KALRN: variants seen among roughly 807,000 people sequenced by gnomAD.
KALRN encodes kalirin RhoGEF kinase, also known as kalirin.
A neutral mutation model predicts 353.7 loss-of-function variants in KALRN; 70 were observed. The ratio of observed to expected loss-of-function variants is 0.20; its 90% confidence interval spans 0.16 to 0.24. KALRN has a LOEUF of 0.24. Among genes scored for constraint, KALRN ranks in the 10% least tolerant of loss-of-function variants. The pLI is 1.00. For synonymous variants in KALRN, 1,391 were observed against 1,434.8 expected, an observed-to-expected ratio of 0.97 and a Z score of 0.69; for missense variants, 2,791 against 3,756.7, an observed-to-expected ratio of 0.74 and a Z score of 6.72.
intron 1 of KALRN, among the ~76,000 whole-genome samples, chr3:124,102,263 G>A (rs12493234): frequency 0.6 from 90,906 of 152,022 alleles, 30,080 homozygotes; most frequent in Non-Finnish European, 0.75. Context: ...ACACACACCC[G>A]TTTGAAACAC....
At chr3:124,591,375 C>A (rs1380373399) in intron 34 of KALRN, among the ~76,000 whole-genome samples, 13 of 152,176 alleles carry the variant, frequency 8.5e-5, no homozygotes, top group African/African-American at 3.1e-4. Context: ...TGGACACAAG[C>A]AATCCTCTCA....
intron 15 of KALRN, among the ~76,000 whole-genome samples, chr3:124,427,494 A>C (rs902835240): frequency 1.3e-5 from 2 of 152,232 alleles, no homozygotes; most frequent in Non-Finnish European, 2.9e-5. Flanking sequence ...AGCCATCTAC[A>C]GGCGGCTTCC....
chr3:124,065,632 T>TA lies in KALRN; in HGVS notation c.73+31839dup, dbSNP rs56298061. Among the ~76,000 whole-genome samples, 996 of 131,692 alleles carry TA rather than the reference T, an allele frequency of 7.6e-3. 14 individuals carry two copies. The highest frequency in any genetic ancestry group is 0.026 in the African/African-American group (915 of 35,426). 86.4% of individuals were successfully genotyped at this position (131,692 alleles called of 152,430 possible). A position where few individuals can be genotyped will look rare whatever the true frequency, so the allele number is the denominator to read the frequency against. On this transcript the variant is annotated intron_variant, in intron 1 of 59. Coordinates refer to ENST00000682506, the MANE Select transcript of KALRN (RefSeq NM_001388419.1). Reference sequence around the variant, plus strand: ...CCATATGACTAAAACATTCCTTAGTTAAAAAAAAAAAAAAAAAAAAGAGTA... The same window carrying TA: ...CCATATGACTAAAACATTCCTTAGTTAAAAAAAAAAAAAAAAAAAAAGAGTA...
intron 9 of KALRN, among the ~76,000 whole-genome samples, chr3:124,341,272 T>C (rs1265880836): frequency 6.6e-6 from 1 of 152,236 alleles, no homozygotes; most frequent in African/African-American, 2.4e-5. Flanking sequence ...CCTGCTGTAG[T>C]GGCAAGGAGC....
intron 10 of KALRN, among the ~76,000 whole-genome samples, chr3:124,363,879 G>A (rs1476366618): frequency 6.6e-6 from 1 of 152,228 alleles, no homozygotes; most frequent in Admixed American, 6.5e-5. Context: ...GGACTTTGGG[G>A]CAAAAGCAGT....
chr3:124,050,143 TTCATGGAGGC>T (rs1254811291), intron 1 of KALRN, among the ~76,000 whole-genome samples: 1 of 152,312 alleles, frequency 6.6e-6, no homozygotes, highest in East Asian at 1.9e-4. Flanking sequence ...TGGTCTTTGC[TTCATGGAGGC>T]AGGGCTGGTC....
At chr3:124,244,606 G>A (rs555171049) in intron 3 of KALRN, among the ~76,000 whole-genome samples, 42 of 152,100 alleles carry the variant, frequency 2.8e-4, no homozygotes, top group Non-Finnish European at 5.4e-4. Context: ...ATTCCAGTTA[G>A]CATTATACTA....
chr3:124,165,445 C>T (rs76265053), intron 1 of KALRN, among the ~76,000 whole-genome samples: 394 of 152,014 alleles, frequency 2.6e-3, no homozygotes, highest in African/African-American at 8.8e-3. Context: ...GAACAAATTA[C>T]GTTCAATTAC....
At position 124,719,030 on chromosome 3, in the gene KALRN, C is replaced by G; in HGVS notation, c.8521C>G (p.Leu2841Val). The G allele has an allele frequency of 6.2e-7, 1 of 1,614,196 alleles. No homozygotes were observed. Residue 2841 changes from leucine (L) to valine (V), a missense_variant, in exon 60 of 60, where the codon CTG becomes GTG. Coordinates refer to ENST00000682506, the MANE Select transcript of KALRN (RefSeq NM_001388419.1). The surrounding 1 kb of genome is among the most constrained non-coding windows in gnomAD (Gnocchi z 5.3). ...ISGHFHIHHL[L>V]GNPEFAAPEV... ...GGGTCACTTCCACATTCACCACCTGCTGGGGAACCCTGAGTTTGCTGCCCC... is the reference window on the plus strand; with the variant it reads ...GGGTCACTTCCACATTCACCACCTGGTGGGGAACCCTGAGTTTGCTGCCCC...
intron 34 of KALRN, among the ~76,000 whole-genome samples, chr3:124,606,722 C>T (rs1306591469): frequency 6.6e-6 from 1 of 152,022 alleles, no homozygotes; most frequent in Non-Finnish European, 1.5e-5. Flanking sequence ...ATGCGTGTAA[C>T]CTGCCTAATA....
chr3:124,696,594 T>C (rs762582579), intron 54 of KALRN, among the ~76,000 whole-genome samples: 17 of 152,242 alleles, frequency 1.1e-4, no homozygotes, highest in Non-Finnish European at 2.1e-4. Flanking sequence ...TTGCCCAGGC[T>C]GGTCTCAAAC....
At chr3:124,233,945 G>A (rs1019697530) in intron 2 of KALRN, among the ~76,000 whole-genome samples, 1 of 152,130 alleles carries the variant, frequency 6.6e-6, no homozygotes, top group African/African-American at 2.4e-5. Context: ...TGAGAAACTT[G>A]GTTCCACTTC....
intron 19 of KALRN, 60 bp downstream of exon 19, chr3:124,442,119 A>G (rs2093687376): frequency 1.0e-6 from 1 of 977,680 alleles, no homozygotes; most frequent in Non-Finnish European, 1.5e-6. Context: ...CCTGAAATAT[A>G]CCATGTACCC....
chr3:124,401,134 C>T (rs1300197518), intron 13 of KALRN, among the ~76,000 whole-genome samples: 2 of 152,184 alleles, frequency 1.3e-5, no homozygotes, highest in African/African-American at 2.4e-5. Context: ...GAGAAAATAT[C>T]CTTTAAAAAA....
At chr3:124,629,820 C>G (rs1419556396) in intron 34 of KALRN, among the ~76,000 whole-genome samples, 1 of 150,976 alleles carries the variant, frequency 6.6e-6, no homozygotes, top group Non-Finnish European at 1.5e-5. Context: ...CTCTGTCTCT[C>G]TCTCTCTCTG....
chr3:124,203,653 C>T (rs577771489), intron 1 of KALRN, among the ~76,000 whole-genome samples: 19 of 152,320 alleles, frequency 1.2e-4, no homozygotes, highest in Non-Finnish European at 2.4e-4. Flanking sequence ...ATAACTAACA[C>T]TGACCTCCTC....
intron 11 of KALRN, among the ~76,000 whole-genome samples, chr3:124,386,072 T>C (rs1308894797): frequency 2.0e-5 from 3 of 152,176 alleles, no homozygotes; most frequent in Admixed American, 6.5e-5. Flanking sequence ...ATGCAAACCA[T>C]TGCAGCGCCT....
chr3:124,486,577 AG>A (rs2062593696), intron 28 of KALRN, among the ~76,000 whole-genome samples: 1 of 152,174 alleles, frequency 6.6e-6, no homozygotes, highest in African/African-American at 2.4e-5. Context: ...AATGTATCCA[AG>A]GATTGGATTT....
chr3:124,286,082 C>CCTTTCTTT (rs55864207), intron 5 of KALRN, among the ~76,000 whole-genome samples: 9,070 of 102,172 alleles, frequency 0.089, 526 homozygotes, highest in African/African-American at 0.12. Flanking sequence ...TTCTTTCCTT[C>CCTTTCTTT]CTTTCTTTCT....
Sources: gnomAD v4.1 joint callset for allele counts (sites outside exome capture counted in the v4.1 genomes callset) on GRCh38, gnomAD v4.1.1 for gene constraint, Gnocchi (gnomAD v3.1) non-coding constraint, MANE v1.5 for transcripts, NCBI Gene and HGNC (gene_info 2026-07-23, HGNC 2026-07-21) for gene names.